The following PPM1A variants were observed in gnomAD, a reference collection of about 807,000 sequenced individuals.
The protein encoded by PPM1A is protein phosphatase 1A.
Under a neutral mutation model 35.0 loss-of-function variants are expected in PPM1A, and 7 were observed. The ratio of observed to expected loss-of-function variants is 0.20; its 90% CI spans 0.11 to 0.38. PPM1A has a LOEUF of 0.38. Ranked by LOEUF, PPM1A falls within the 10% of genes least tolerant of loss-of-function variation. The pLI is 1.00. For synonymous variants in PPM1A, 153 were observed against 167.3 expected, an observed-to-expected ratio of 0.91 and a Z score of 0.66; for missense variants, 239 against 467.8, an observed-to-expected ratio of 0.51 and a Z score of 4.51.
At chr14:60,247,382 C>A (rs1005450141), upstream of PPM1A, among the ~76,000 whole-genome samples, 7 of 152,034 alleles carry the variant, frequency 4.6e-5, no homozygotes, top group African/African-American at 1.4e-4. Flanking sequence ...GTAATCCCAG[C>A]ACTTTGGGAG....
intron 2 of PPM1A, among the ~76,000 whole-genome samples, chr14:60,284,015 C>T (rs1403886641): frequency 6.6e-6 from 1 of 152,136 alleles, no homozygotes; most frequent in East Asian, 1.9e-4. Flanking sequence ...TAGAAATAGC[C>T]TTGTACATGG....
chr14:60,268,599 C>G (rs1338822025), intron 1 of PPM1A, among the ~76,000 whole-genome samples: 1 of 149,166 alleles, frequency 6.7e-6, no homozygotes, highest in Non-Finnish European at 1.5e-5. Context: ...GTTCATTTTT[C>G]TTTTTAGGTT....
chr14:60,281,517 C>G (rs145168285), intron 1 of PPM1A, among the ~76,000 whole-genome samples: 1 of 152,240 alleles, frequency 6.6e-6, no homozygotes, highest in South Asian at 2.1e-4. Flanking sequence ...AGTGATTTAC[C>G]TAGATACTTT....
intron 1 of PPM1A, among the ~76,000 whole-genome samples, chr14:60,277,978 C>T (rs992860141): frequency 1.3e-5 from 2 of 152,204 alleles, no homozygotes; most frequent in African/African-American, 4.8e-5. Flanking sequence ...TTGCTATTGA[C>T]CTTCAGCAGA....
chr14:60,253,177 C>T (rs986026623), intron 1 of PPM1A, among the ~76,000 whole-genome samples: 1 of 152,018 alleles, frequency 6.6e-6, no homozygotes, highest in African/African-American at 2.4e-5. Context: ...TATTTGGAAT[C>T]CATTGACCAA....
chr14:60,286,528 CAAG>C lies in PPM1A; in HGVS notation c.952+790_952+792del, dbSNP rs145848692. 631 of 984,930 alleles carry C rather than the reference CAAG, an allele frequency of 6.4e-4. 5 individuals are homozygous for C. The African/African-American group carries it at 8.2e-3, about 13-fold the overall frequency. The allele number at this position is 984,930 out of a possible 1,614,324, so 61.0% of individuals were successfully genotyped here. A position where few individuals can be genotyped will look rare whatever the true frequency, so the allele number is the denominator to read the frequency against. ...CTGGTGAGCTGAGGTAGAAAAAAAA[CAAG>C]AAAAAAATTTTAAAAATAGCGTTAA... On this transcript the variant is annotated intron_variant, in intron 3 of 5. Coordinates refer to ENST00000395076, the MANE Select transcript of PPM1A (RefSeq NM_021003.5).
intron 2 of PPM1A, among the ~76,000 whole-genome samples, chr14:60,284,136 C>T (rs533140285): frequency 3.3e-5 from 5 of 152,198 alleles, no homozygotes; most frequent in East Asian, 1.9e-4. Flanking sequence ...TGTCTCATGG[C>T]GTTGTCAGGA....
Position 60,283,343 on chromosome 14 carries a change from C to CT in PPM1A, c.642dup (p.Val215CysfsTer6). Reference sequence around the variant, plus strand: ...CCATGGAAAAGGTCCTACTGAGCAGCTTGTCTCACCAGAGCCTGAAGTCCA... The same window carrying CT: ...CCATGGAAAAGGTCCTACTGAGCAGCTTTGTCTCACCAGAGCCTGAAGTCCA... On this transcript the variant is annotated frameshift_variant, in exon 2 of 6. Coordinates refer to ENST00000395076, the MANE Select transcript of PPM1A (RefSeq NM_021003.5). LOFTEE classifies it high-confidence loss of function. This position sits in a 1 kb window ranked among gnomAD's most constrained non-coding sequence, Gnocchi z 6.3. 6.2e-7 allele frequency: 1 copy of CT among 1,614,192 alleles called. No homozygotes were observed. The highest frequency in any genetic ancestry group is 8.5e-7 in the Non-Finnish European group (1 of 1,180,038).
rs1339418469 is a variant in PPM1A, at chr14:60,273,447, G to A, written c.-20-9237G>A. 6.6e-6 allele frequency among the ~76,000 whole-genome samples: 1 copy of A among 152,166 alleles called. No homozygotes were observed. Among genetic ancestry groups the A allele is most frequent in the Non-Finnish European group, 1.5e-5 (1 of 68,020 alleles). ...AATGTAGGAGAAGGGACAGTATGAAGTGAGATGCGGCTAGAGAAGGTACGT... is the reference window on the plus strand; with the variant it reads ...AATGTAGGAGAAGGGACAGTATGAAATGAGATGCGGCTAGAGAAGGTACGT... On this transcript the variant is annotated intron_variant, in intron 1 of 5. Transcript: ENST00000395076. The surrounding 1 kb of genome is among the most constrained non-coding windows in gnomAD (Gnocchi z 4.3).
At position 60,289,660 on chromosome 14, in the gene PPM1A, ATTT is replaced by A; in HGVS notation, c.953-134_953-132del. The A allele has an allele frequency of 8.4e-6, 4 of 477,688 alleles. No individual in the cohort carries two copies. Among genetic ancestry groups the A allele is most frequent in the East Asian group, 7.9e-5 (2 of 25,314 alleles). 29.6% of individuals were successfully genotyped at this position (477,688 alleles called of 1,614,324 possible). ...TCATAAATCTTCAAAGGTCAACCTG[ATTT>A]TTTTTTTTTTTAAATGATACCAGAT... is the stretch of plus-strand genomic sequence containing the variant. On this transcript the variant is annotated intron_variant, in intron 3 of 5. Transcript: ENST00000395076. The surrounding 1 kb of genome is among the most constrained non-coding windows in gnomAD (Gnocchi z 4.1).
At chr14:60,257,854 C>T (rs540790293) in intron 1 of PPM1A, among the ~76,000 whole-genome samples, 97 of 152,230 alleles carry the variant, frequency 6.4e-4, no homozygotes, top group Non-Finnish European at 1.2e-3. Context: ...AATCTCATAA[C>T]TTACCAGGCT....
upstream of PPM1A, among the ~76,000 whole-genome samples, chr14:60,247,675 C>T (rs992998956): frequency 1.3e-5 from 2 of 149,118 alleles, no homozygotes; most frequent in Admixed American, 6.7e-5. Flanking sequence ...ACAGAACCTT[C>T]CCCAAAGTCA....
At chr14:60,258,092 C>T (rs1257904025) in intron 1 of PPM1A, among the ~76,000 whole-genome samples, 1 of 151,866 alleles carries the variant, frequency 6.6e-6, no homozygotes, top group Non-Finnish European at 1.5e-5. Context: ...TCTCTTTCTG[C>T]GTAAATGCTT....
chr14:60,290,115 G>A (rs1887477114), intron 4 of PPM1A, among the ~76,000 whole-genome samples: 1 of 152,128 alleles, frequency 6.6e-6, no homozygotes, highest in African/African-American at 2.4e-5. Flanking sequence ...ACTAATTGCA[G>A]TGAGGGTTGT....
intron 1 of PPM1A, chr14:60,277,459 G>C (rs1196830168): frequency 1.3e-5 from 2 of 151,986 alleles, no homozygotes; most frequent in African/African-American, 4.8e-5. Flanking sequence ...TTGCTGTGGA[G>C]CTGAACCTAA....
intron 1 of PPM1A, among the ~76,000 whole-genome samples, chr14:60,272,586 G>A (rs1390483343): frequency 6.6e-6 from 1 of 150,526 alleles, no homozygotes; most frequent in Non-Finnish European, 1.5e-5. Context: ...GCACATGCCT[G>A]TAATCCCAGG....
chr14:60,291,858 C>T (rs1230362945), intron 5 of PPM1A, among the ~76,000 whole-genome samples: 1 of 149,896 alleles, frequency 6.7e-6, no homozygotes, highest in Non-Finnish European at 1.5e-5. Context: ...TCTGTCTCAA[C>T]TAAATAGTTC....
At chr14:60,275,004 C>G (rs1885586898) in intron 1 of PPM1A, among the ~76,000 whole-genome samples, 1 of 150,364 alleles carries the variant, frequency 6.7e-6, no homozygotes. Context: ...AATTAGTTCA[C>G]TGTTGTTTTC....
chr14:60,246,534 T>A (rs1404034552), upstream of PPM1A, among the ~76,000 whole-genome samples: 1 of 152,212 alleles, frequency 6.6e-6, no homozygotes, highest in Non-Finnish European at 1.5e-5. Flanking sequence ...TGGCAATATA[T>A]TCCCACTAAA....
Sources: gnomAD v4.1 joint callset for allele counts (sites outside exome capture counted in the v4.1 genomes callset) on GRCh38, gnomAD v4.1.1 for gene constraint, Gnocchi (gnomAD v3.1) non-coding constraint, MANE v1.5 for transcripts, NCBI Gene and HGNC (gene_info 2026-07-23, HGNC 2026-07-21) for gene names.